ANKHD1: variants seen among roughly 807,000 people sequenced by gnomAD.
ANKHD1 encodes the protein ankyrin repeat and KH domain-containing protein 1.
Under a neutral mutation model 230.5 loss-of-function variants are expected in ANKHD1, and 31 were observed. The ratio of observed to expected loss-of-function variants is 0.13; its 90% CI spans 0.10 to 0.18. The LOEUF (loss-of-function observed/expected upper bound fraction) is 0.18. Among genes scored for constraint, ANKHD1 ranks in the 10% least tolerant of loss-of-function variants. ANKHD1 has a pLI of 1.00. For synonymous variants in ANKHD1, 1,074 were observed against 1,117.6 expected (o/e 0.96, Z 0.78); for missense variants, 2,256 against 3,071.3 (o/e 0.73, Z 6.27).
intron 29 of ANKHD1, among the ~76,000 whole-genome samples, chr5:140,533,775 CAAAA>C (rs1167136822): frequency 0.042 from 1,248 of 29,510 alleles, 12 homozygotes; most frequent in African/African-American, 0.13. Context: ...GACCCTGTCT[CAAAA>C]AAAAAAAAAA....
Position 140,459,369 on chromosome 5 carries a change from A to G in ANKHD1, c.1672+14A>G. ...TGCTGGCTTCTGGTATGTGGCTTTA[A>G]GATGCCTTATTGCTCAGAAAGACAA... On this transcript the variant is annotated intron_variant, in intron 9 of 33. Transcript: ENST00000360839. 1 of 1,539,632 alleles carries G rather than the reference A, an allele frequency of 6.5e-7. No homozygotes were observed.
At chr5:140,405,497 T>G (rs1406357112) in intron 1 of ANKHD1, among the ~76,000 whole-genome samples, 1 of 152,236 alleles carries the variant, frequency 6.6e-6, no homozygotes, top group African/African-American at 2.4e-5. Context: ...CAAGATGAGC[T>G]GTCTTCTTTT....
At chr5:140,430,029 G>A (rs760844771) in intron 1 of ANKHD1, among the ~76,000 whole-genome samples, 5 of 152,068 alleles carry the variant, frequency 3.3e-5, no homozygotes, top group African/African-American at 4.8e-5. Flanking sequence ...AATAAAAATG[G>A]GACAAAATGC....
intron 1 of ANKHD1, among the ~76,000 whole-genome samples, chr5:140,412,296 C>T (rs913674898): frequency 6.6e-6 from 1 of 152,074 alleles, no homozygotes; most frequent in African/African-American, 2.4e-5. Flanking sequence ...TCCCAAAGTG[C>T]TGCGATTACA....
intron 29 of ANKHD1, among the ~76,000 whole-genome samples, chr5:140,530,963 A>G (rs745907304): frequency 9.2e-5 from 14 of 152,248 alleles, no homozygotes; most frequent in Admixed American, 8.5e-4. Context: ...CATAGCTGTT[A>G]TATTGTATTT....
intron 24 of ANKHD1, among the ~76,000 whole-genome samples, chr5:140,514,527 C>T (rs766908248): frequency 6.6e-6 from 1 of 151,918 alleles, no homozygotes; most frequent in Non-Finnish European, 1.5e-5. Context: ...GTAAACGTGT[C>T]GCCTATATGA....
At chr5:140,503,260 T>C (rs372756952) in intron 15 of ANKHD1, among the ~76,000 whole-genome samples, 180 of 152,300 alleles carry the variant, frequency 1.2e-3, no homozygotes, top group African/African-American at 4.2e-3. Flanking sequence ...TATTACTGAT[T>C]ATATGTTTTT....
At chr5:140,486,299 A>G (rs1426727185) in intron 13 of ANKHD1, among the ~76,000 whole-genome samples, 1 of 152,156 alleles carries the variant, frequency 6.6e-6, no homozygotes, top group East Asian at 1.9e-4. Flanking sequence ...TCCTGAGCTC[A>G]GGCGATCTAC....
intron 24 of ANKHD1, among the ~76,000 whole-genome samples, chr5:140,514,298 C>T (rs2127065461): frequency 6.6e-6 from 1 of 151,782 alleles, no homozygotes; most frequent in South Asian, 2.1e-4. Flanking sequence ...AGTTTGAGAC[C>T]AGCCTGGGCA....
chr5:140,428,386 C>A (rs1363470606), intron 1 of ANKHD1, among the ~76,000 whole-genome samples: 1 of 152,398 alleles, frequency 6.6e-6, no homozygotes, highest in East Asian at 1.9e-4. Flanking sequence ...GCAATCCCGG[C>A]ACCTCGGGAG....
At chr5:140,419,685 C>T (rs1248581123) in intron 1 of ANKHD1, among the ~76,000 whole-genome samples, 1 of 151,422 alleles carries the variant, frequency 6.6e-6, no homozygotes, top group East Asian at 1.9e-4. Context: ...GTCTTGAGGT[C>T]TTGAACTCCT....
intron 29 of ANKHD1, among the ~76,000 whole-genome samples, chr5:140,530,402 G>A (rs564268604): frequency 4.9e-4 from 74 of 152,068 alleles, no homozygotes; most frequent in South Asian, 1.7e-3. Context: ...TAGTAGAGAC[G>A]GGGTTTTGCC....
intron 24 of ANKHD1, among the ~76,000 whole-genome samples, chr5:140,515,003 C>T (rs192192852): frequency 1.2e-4 from 18 of 147,232 alleles, no homozygotes; most frequent in African/African-American, 3.5e-4. Context: ...CCTGTCTGGG[C>T]GCAGTAGCTC....
At chr5:140,450,247 T>C (rs1305913713) in intron 7 of ANKHD1, among the ~76,000 whole-genome samples, 1 of 152,068 alleles carries the variant, frequency 6.6e-6, no homozygotes, top group Non-Finnish European at 1.5e-5. Context: ...GTTTAGCGAA[T>C]CACTCAAAAC....
intron 24 of ANKHD1, among the ~76,000 whole-genome samples, chr5:140,517,478 A>G (rs1390696689): frequency 2.7e-5 from 4 of 149,846 alleles, no homozygotes; most frequent in East Asian, 2.0e-4. Flanking sequence ...CCAAATCAAC[A>G]GAATATACAT....
At chr5:140,525,510 C>T (rs1313386958) in intron 25 of ANKHD1, among the ~76,000 whole-genome samples, 1 of 152,182 alleles carries the variant, frequency 6.6e-6, no homozygotes, top group Non-Finnish European at 1.5e-5. Flanking sequence ...AATCAATCCA[C>T]CTGCCTTGGC....
intron 29 of ANKHD1, among the ~76,000 whole-genome samples, chr5:140,533,584 G>A (rs780295662): frequency 9.2e-5 from 14 of 151,960 alleles, no homozygotes; most frequent in Non-Finnish European, 1.9e-4. Flanking sequence ...CGGCAACAGA[G>A]CGAGACACCC....
chr5:140,535,128 T>A (rs964917180), intron 29 of ANKHD1, among the ~76,000 whole-genome samples: 1 of 152,228 alleles, frequency 6.6e-6, no homozygotes, highest in African/African-American at 2.4e-5. Context: ...CATTTTCCTG[T>A]ATCTAGTGCT....
chr5:140,407,591 T>A (rs945051997), intron 1 of ANKHD1, among the ~76,000 whole-genome samples: 8 of 151,212 alleles, frequency 5.3e-5, no homozygotes, highest in Non-Finnish European at 1.0e-4. Context: ...AAAAAAAAAA[T>A]GTTGCCCAGG....
Sources: gnomAD v4.1 joint callset for allele counts (sites outside exome capture counted in the v4.1 genomes callset) on GRCh38, gnomAD v4.1.1 for gene constraint, MANE v1.5 for transcripts, NCBI Gene and HGNC (gene_info 2026-07-23, HGNC 2026-07-21) for gene names.